MYOM3: variants seen among roughly 807,000 people sequenced by gnomAD.
The protein encoded by MYOM3 is myomesin-3.
Under a neutral mutation model 191.7 loss-of-function variants are expected in MYOM3, and 155 were observed. That is an observed-to-expected ratio of 0.81 (90% CI 0.71 to 0.92). The LOEUF (loss-of-function observed/expected upper bound fraction) is 0.92. Ranked by LOEUF, MYOM3 falls within the 40% of genes least tolerant of loss-of-function variation. The pLI is 0.00. For synonymous variants in MYOM3, 757 were observed against 762.9 expected (o/e 0.99, Z 0.13); for missense variants, 1,889 against 1,890.6 (o/e 1.00, Z 0.02).
intron 20 of MYOM3, among the ~76,000 whole-genome samples, chr1:24,079,779 G>T (rs970600383): frequency 2.0e-5 from 3 of 152,174 alleles, no homozygotes; most frequent in African/African-American, 7.2e-5. Flanking sequence ...TGATATACCT[G>T]GCTGATACCA....
intron 7 of MYOM3, 25 bp from the exon 8 acceptor site, chr1:24,095,511 T>C: frequency 3.7e-6 from 6 of 1,607,714 alleles, no homozygotes; most frequent in Non-Finnish European, 5.1e-6. Context: ...GCAAACAGAG[T>C]TGGAGAAGGT....
intron 5 of MYOM3, among the ~76,000 whole-genome samples, chr1:24,100,287 G>A (rs1643902466): frequency 6.6e-6 from 1 of 152,178 alleles, no homozygotes; most frequent in Non-Finnish European, 1.5e-5. Flanking sequence ...GCCTCACAGG[G>A]CTGCTGTGAC....
chr1:24,080,046 G>C lies in MYOM3; in HGVS notation c.2556C>G (p.Thr852=), dbSNP rs1362188795. ...GGTGGGTGCCAGAGATGGGGCCTGG[G>C]GTGACCGGCTTCCACTGCTCAGAGC... is the stretch of plus-strand genomic sequence containing the variant. ...EEGSEQWKPV[T]PGPISGTHLR... is the part of the protein sequence containing the mutation. Residue 852 remains threonine, a synonymous_variant, in exon 20 of 37, where the codon ACC becomes ACG. Coordinates refer to ENST00000374434, the MANE Select transcript of MYOM3 (RefSeq NM_152372.4). 2.5e-6 allele frequency: 4 copies of C among 1,614,002 alleles called. No homozygotes were observed. Among genetic ancestry groups the C allele is most frequent in the East Asian group, 4.5e-5 (2 of 44,874 alleles).
At chr1:24,105,668 A>G (rs1474236804) in intron 5 of MYOM3, among the ~76,000 whole-genome samples, 25 of 152,142 alleles carry the variant, frequency 1.6e-4, no homozygotes, top group Admixed American at 1.6e-3. Flanking sequence ...CTGAGATGGG[A>G]GGATCACTTG....
Position 24,093,089 on chromosome 1 carries a change from C to G in MYOM3, c.948G>C (p.Ser316=), listed in dbSNP as rs764170415. 1.4e-5 allele frequency: 22 copies of G among 1,610,300 alleles called. No individual in the cohort carries two copies. Among genetic ancestry groups the G allele is most frequent in the Non-Finnish European group, 1.5e-5 (18 of 1,179,702 alleles). Residue 316 remains serine (S), a synonymous_variant, in exon 10 of 37, where the codon TCG becomes TCC. Transcript: ENST00000374434. ...WFRDGSLLRS[S]RRRKILYTDR... ...CTGTGTAGAGGATCTTCCGACGTCT[C>G]GAGGACCTCAGTAGGCTCCCTGTGG...
intron 10 of MYOM3, 53 bp from the exon 11 acceptor site, chr1:24,092,368 C>T (rs573970177): frequency 1.5e-6 from 2 of 1,328,536 alleles, no homozygotes; most frequent in South Asian, 5.1e-5. Context: ...CATTTGGTGA[C>T]AGGCCCTTCC....
intron 14 of MYOM3, among the ~76,000 whole-genome samples, chr1:24,088,823 C>G (rs1481334522): frequency 6.6e-6 from 1 of 152,202 alleles, no homozygotes; most frequent in Non-Finnish European, 1.5e-5. Context: ...CTGACAGATC[C>G]CAGGGGTTGC....
At chr1:24,066,483 C>T (rs1449250659) in intron 28 of MYOM3, 7 of 527,156 alleles carry the variant, frequency 1.3e-5, no homozygotes, top group Non-Finnish European at 2.4e-5. Flanking sequence ...CCCTCCCCTT[C>T]CCCAGTTATC....
Position 24,108,450 on chromosome 1 carries a change from C to T in MYOM3, c.161+26G>A, listed in dbSNP as rs993974557. ...GGGGGCCCTGGGAACAGGGCAGTGG[C>T]TGGGCGGGGACCCTGTGGCTCCCAC... On this transcript the variant is annotated intron_variant, in intron 2 of 36. Coordinates refer to ENST00000374434, the MANE Select transcript of MYOM3 (RefSeq NM_152372.4). 32 of 1,518,554 alleles carry T rather than the reference C, an allele frequency of 2.1e-5. No homozygotes were observed. The African/African-American group carries it at 4.3e-4, about 20-fold the overall frequency. 94.1% of individuals were successfully genotyped at this position (1,518,554 alleles called of 1,614,324 possible).
At chr1:24,085,715 C>T (rs2148553411) in intron 15 of MYOM3, among the ~76,000 whole-genome samples, 1 of 152,290 alleles carries the variant, frequency 6.6e-6, no homozygotes, top group East Asian at 1.9e-4. Context: ...CCAGAGACTG[C>T]CCACATCTGA....
intron 24 of MYOM3, among the ~76,000 whole-genome samples, chr1:24,071,468 C>CTG (rs1336182776): frequency 6.6e-6 from 1 of 152,210 alleles, no homozygotes; most frequent in Non-Finnish European, 1.5e-5. Context: ...TCTAAGAGCT[C>CTG]TGGGGCTGCA....
At position 24,076,275 on chromosome 1, in the gene MYOM3, T is replaced by G. The variant is rs1381362659; in HGVS notation, c.2587-2A>C. On this transcript the variant is annotated splice_acceptor_variant, in intron 20 of 36. Transcript: ENST00000374434. LOFTEE classifies it high-confidence loss of function. The stretch of plus-strand genomic sequence containing the variant: ...CTTTCCTGGCTGCAAGTCGGAAACC[T>G]GGGGGCAGAGGGCAAGAGCCAGCAC... The G allele has an allele frequency of 6.2e-7, 1 of 1,612,776 alleles. No individual in the cohort carries two copies. The highest frequency in any genetic ancestry group is 8.5e-7 in the Non-Finnish European group (1 of 1,178,830).
In MYOM3 at chr1:24,094,882, T is replaced by C. The variant is rs1289668863; in HGVS notation, c.899A>G (p.Asp300Gly). 2.5e-6 allele frequency: 4 copies of C among 1,613,810 alleles called. No homozygotes were observed. Reference sequence around the variant, plus strand: ...TCGGAACCACTGGATGCTCTCAGCATCTAACACATCTTCCGAAAACAAGCA... The same window carrying C: ...TCGGAACCACTGGATGCTCTCAGCACCTAACACATCTTCCGAAAACAAGCA... ...LSCLFSEDVL[D>G]AESIQWFRDG... The change falls in exon 9 of 37, where the codon GAT becomes GGT. Residue 300 changes from aspartate to glycine, a missense_variant. Asp to Gly is a moderately conservative substitution (Grantham distance 94). Transcript: ENST00000374434.
At chr1:24,059,129 T>A (rs1426754598) in intron 35 of MYOM3, 150 bp from the exon 36 acceptor site, 1 of 661,246 alleles carries the variant, frequency 1.5e-6, no homozygotes, top group Non-Finnish European at 2.6e-6. Context: ...TTTTTTAAAT[T>A]TTTTTTTCAA....
chr1:24,099,641 G>T, intron 6 of MYOM3, 39 bp downstream of exon 6: 1 of 1,523,840 alleles, frequency 6.6e-7, no homozygotes, highest in Non-Finnish European at 9.1e-7. Flanking sequence ...GCGGTGGCAG[G>T]GTCTGGGGTC....
At chr1:24,092,138 C>A (rs1472905002) in intron 11 of MYOM3, 36 bp downstream of exon 11, 3 of 1,417,252 alleles carry the variant, frequency 2.1e-6, no homozygotes, top group South Asian at 1.7e-5. Context: ...CAGAATTCTA[C>A]CCCTAGGGCC....
chr1:24,084,519 A>C lies in MYOM3; in HGVS notation c.1919T>G (p.Val640Gly). The change falls in exon 16 of 37, where the codon GTG becomes GGG. Residue 640 changes from valine to glycine, a missense_variant. By Grantham distance (109) the Val-to-Gly change is moderately radical (BLOSUM62 -3). Coordinates refer to ENST00000374434, the MANE Select transcript of MYOM3 (RefSeq NM_152372.4). ...AACTGTTTGCCACTCAGATGTCCCC[A>C]CCTTCCGGGAGTAGATGTAATAACC... ...LLGYYIYSRK[V>G]GTSEWQTVNN... The C allele has an allele frequency of 5.0e-6, 8 of 1,614,052 alleles. No individual in the cohort carries two copies. Among genetic ancestry groups the C allele is most frequent in the Non-Finnish European group, 6.8e-6 (8 of 1,180,010 alleles).
Position 24,090,863 on chromosome 1 carries a change from T to G in MYOM3, c.1366A>C (p.Ser456Arg), listed in dbSNP as rs758014311. Residue 456 changes from serine (S) to arginine (R), a missense_variant, in exon 12 of 37, where the codon AGC becomes CGC. Physicochemically the swap from Ser to Arg is moderately radical, Grantham distance 110. Coordinates refer to ENST00000374434, the MANE Select transcript of MYOM3 (RefSeq NM_152372.4). ...AACTCTGAGGCCTTGGAGGGGACGC[T>G]GCTGCCTACCCTGCTGATGGCTCTC... ...RVRAISRVGS[S>R]VPSKASELVV... 12 of 1,614,020 alleles carry G rather than the reference T, an allele frequency of 7.4e-6. No individual in the cohort carries two copies. In the East Asian group the frequency reaches 1.1e-4, roughly 15 times the overall value.
rs773098407 is a variant in MYOM3 at position 24,098,026 on chromosome 1, G to A, written c.657-15C>T. 6.4e-7 allele frequency: 1 copy of A among 1,572,410 alleles called. No individual in the cohort carries two copies. The highest frequency in any genetic ancestry group is 8.8e-7 in the Non-Finnish European group (1 of 1,141,908). On this transcript the variant is annotated splice_polypyrimidine_tract_variant and intron_variant, in intron 6 of 36. Coordinates refer to ENST00000374434, the MANE Select transcript of MYOM3 (RefSeq NM_152372.4). ...CAATGGCGCATCTGAAAAGGAGAGAGGGAGAAGTTCCTCCCAAGACTGCTG... is the reference window on the plus strand; with the variant it reads ...CAATGGCGCATCTGAAAAGGAGAGAAGGAGAAGTTCCTCCCAAGACTGCTG...
Sources: gnomAD v4.1 joint callset for allele counts (sites outside exome capture counted in the v4.1 genomes callset) on GRCh38, gnomAD v4.1.1 for gene constraint, MANE v1.5 for transcripts, NCBI Gene and HGNC (gene_info 2026-07-23, HGNC 2026-07-21) for gene names.